Variants in TRPC4AP observed in about 807,000 individuals in gnomAD.
TRPC4AP encodes the protein short transient receptor potential channel 4-associated protein.
TRPC4AP carries 45 observed loss-of-function variants against 99.0 expected under a neutral mutation model. The ratio of observed to expected loss-of-function variants is 0.45; its 90% CI spans 0.36 to 0.58. The LOEUF is 0.58. Ranked by LOEUF, TRPC4AP falls within the 20% of genes least tolerant of loss-of-function variation. The pLI is 0.00. For synonymous variants in TRPC4AP, 408 were observed against 385.8 expected, an observed-to-expected ratio of 1.06 and a Z score of -0.67; for missense variants, 879 against 985.3, an observed-to-expected ratio of 0.89 and a Z score of 1.44.
chr20:35,044,428 A>G, intron 7 of TRPC4AP, 77 bp downstream of exon 7: 2 of 1,414,264 alleles, frequency 1.4e-6, no homozygotes, highest in South Asian at 2.6e-5. Context: ...AAAGAAAAGA[A>G]AAAGAAAAAA....
chr20:35,057,657 G>T, intron 3 of TRPC4AP, 86 bp from the exon 4 acceptor site: 1 of 1,103,210 alleles, frequency 9.1e-7, no homozygotes, highest in Non-Finnish European at 1.4e-6. Context: ...CATGGCCCAT[G>T]TATCTGTCAC....
At chr20:35,037,210 G>A (rs927768281) in intron 7 of TRPC4AP, among the ~76,000 whole-genome samples, 5 of 151,870 alleles carry the variant, frequency 3.3e-5, no homozygotes, top group Non-Finnish European at 7.4e-5. Context: ...AGCTGGGCGC[G>A]GTGGCAGGCG....
intron 7 of TRPC4AP, among the ~76,000 whole-genome samples, chr20:35,042,901 C>G (rs916415101): frequency 6.6e-6 from 1 of 152,180 alleles, no homozygotes; most frequent in Non-Finnish European, 1.5e-5. Context: ...GAGTCCCACT[C>G]CCACTGCTAC....
chr20:35,072,660 TA>T (rs2145999452), intron 2 of TRPC4AP, among the ~76,000 whole-genome samples: 1 of 152,330 alleles, frequency 6.6e-6, no homozygotes, highest in East Asian at 1.9e-4. Context: ...TTGGTAATAG[TA>T]CCATGCTGTT....
intron 5 of TRPC4AP, among the ~76,000 whole-genome samples, chr20:35,054,570 T>C (rs1188505203): frequency 1.3e-5 from 2 of 152,218 alleles, no homozygotes. Context: ...GTCAACCTAG[T>C]AGAGTCCTGC....
rs139800499 is a variant in TRPC4AP at position 35,078,166 on chromosome 20, C to T, written c.177G>A (p.Glu59=). 7.7e-3 allele frequency: 12,384 copies of T among 1,613,244 alleles called. 73 individuals are homozygous for T. The highest frequency in any genetic ancestry group is 9.5e-3 in the Non-Finnish European group (11,242 of 1,179,448). Residue 59 remains glutamate, a synonymous_variant, in exon 2 of 19, where the codon GAG becomes GAA. Transcript: ENST00000252015. ...GTTTGTCCCTCTCCGTCAAAAAAGTCTCAGTGAACTGTGAGTCAAAAAAAG... is the reference window on the plus strand; with the variant it reads ...GTTTGTCCCTCTCCGTCAAAAAAGTTTCAGTGAACTGTGAGTCAAAAAAAG... ...RGLVRAVQFT[E]TFLTERDKQS... is the part of the protein sequence containing the mutation.
Position 35,060,585 on chromosome 20 carries a change from CAAA to C in TRPC4AP, c.415-3017_415-3015del, listed in dbSNP as rs35143678. ...CTGGGTGACAGAGAGACCTTGTCTCCAAAAAAAAAAAAAAAAAAAAAAAAACAA... is the reference window on the plus strand; with the variant it reads ...CTGGGTGACAGAGAGACCTTGTCTCCAAAAAAAAAAAAAAAAAAAAAACAA... On this transcript the variant is annotated intron_variant, in intron 3 of 18. Transcript: ENST00000252015. 7.2e-3 allele frequency among the ~76,000 whole-genome samples: 505 copies of C among 70,342 alleles called. 1 individual carries two copies. The highest frequency in any genetic ancestry group is 0.02 in the African/African-American group (347 of 17,112). The allele number at this position is 70,342 out of a possible 152,430, so 46.1% of individuals were successfully genotyped here.
At position 35,086,561 on chromosome 20, in the gene TRPC4AP, GTGTGTGTGTGTGTGTATA is replaced by G. The variant is rs1209938613; in HGVS notation, c.168+6035_168+6052del. ...TGTGTGTGTGTGTGTGTGTGTGTGT[GTGTGTGTGTGTGTGTATA>G]TATATATGAATAAGACTTTATCCTA... On this transcript the variant is annotated intron_variant, in intron 1 of 18. Transcript: ENST00000252015. Among the ~76,000 whole-genome samples the G allele has an allele frequency of 3.6e-3, 345 of 96,020 alleles. 35 individuals carry two copies. Among genetic ancestry groups the G allele is most frequent in the South Asian group, 0.016 (49 of 3,004 alleles). The allele number at this position is 96,020 out of a possible 152,430, so 63.0% of individuals were successfully genotyped here. A position where few individuals can be genotyped will look rare whatever the true frequency, so the allele number is the denominator to read the frequency against.
chr20:35,090,397 G>A (rs2085023114), intron 1 of TRPC4AP, among the ~76,000 whole-genome samples: 1 of 10,682 alleles, frequency 9.4e-5, no homozygotes, highest in African/African-American at 5.1e-4. Flanking sequence ...TTTTTTTTGA[G>A]ATGAAGTCTC....
At chr20:35,008,521 G>A (rs1336424695) in intron 13 of TRPC4AP, 143 bp downstream of exon 13, 2 of 691,846 alleles carry the variant, frequency 2.9e-6, no homozygotes, top group African/African-American at 3.6e-5. Context: ...TACACAAGAT[G>A]GCAGTCAAAC....
chr20:35,090,241 A>G (rs2085015856), intron 1 of TRPC4AP, among the ~76,000 whole-genome samples: 1 of 151,562 alleles, frequency 6.6e-6, no homozygotes, highest in Non-Finnish European at 1.5e-5. Context: ...TTTTATCCTC[A>G]CTATAGCTCC....
intron 1 of TRPC4AP, among the ~76,000 whole-genome samples, chr20:35,084,469 T>C (rs965647840): frequency 8.4e-6 from 1 of 119,076 alleles, no homozygotes; most frequent in African/African-American, 2.7e-5. Context: ...TGTGTATATA[T>C]GTATATATGT....
intron 7 of TRPC4AP, among the ~76,000 whole-genome samples, chr20:35,040,079 C>G (rs1012268720): frequency 4.0e-5 from 6 of 151,390 alleles, no homozygotes; most frequent in Non-Finnish European, 8.9e-5. Context: ...GGACTGTGTC[C>G]CCACCCCCCG....
chr20:35,037,277 G>A (rs1433426439), intron 7 of TRPC4AP, among the ~76,000 whole-genome samples: 1 of 150,410 alleles, frequency 6.6e-6, no homozygotes, highest in Non-Finnish European at 1.5e-5. Context: ...AACCCAGGAG[G>A]CAGAGCTTGC....
chr20:35,024,854 A>AAAAAAAAACCAT (rs1479270980), intron 8 of TRPC4AP, among the ~76,000 whole-genome samples: 2 of 89,480 alleles, frequency 2.2e-5, no homozygotes, highest in Non-Finnish European at 4.6e-5. Flanking sequence ...AAAAAAAAAA[A>AAAAAAAAACCAT]ATTCTGTTTA....
chr20:35,080,870 GT>G (rs1569151517), intron 1 of TRPC4AP, among the ~76,000 whole-genome samples: 1 of 150,040 alleles, frequency 6.7e-6, no homozygotes, highest in Non-Finnish European at 1.5e-5. Flanking sequence ...AGGGTGACTT[GT>G]GCAATATGTG....
chr20:35,010,309 G>A (rs761354826), intron 11 of TRPC4AP, 21 bp from the exon 12 acceptor site: 17 of 1,607,996 alleles, frequency 1.1e-5, no homozygotes, highest in Middle Eastern at 1.7e-4. Flanking sequence ...ATGGGTTGGA[G>A]GAGGTAAAGG....
rs887091748 is a variant in TRPC4AP at position 35,002,953 on chromosome 20, G to A, written c.*193C>T. 2 of 683,916 alleles carry A rather than the reference G, an allele frequency of 2.9e-6. No homozygotes were observed. Among genetic ancestry groups the A allele is most frequent in the Non-Finnish European group, 2.4e-6 (1 of 418,086 alleles). The allele number at this position is 683,916 out of a possible 1,614,324, so 42.4% of individuals were successfully genotyped here. A position where few individuals can be genotyped will look rare whatever the true frequency, so the allele number is the denominator to read the frequency against. On this transcript the variant is annotated 3_prime_UTR_variant, in exon 19 of 19. Transcript: ENST00000252015. ...CCCTGTCCTCATTATGGGGACTGAG[G>A]CTCTCCATGACCTAGGGCCCTCAGA...
chr20:35,066,971 T>C (rs2084161522), intron 3 of TRPC4AP, among the ~76,000 whole-genome samples: 1 of 152,104 alleles, frequency 6.6e-6, no homozygotes, highest in African/African-American at 2.4e-5. Flanking sequence ...CATAGAAGAA[T>C]GAATTTTAAA....
Sources: allele counts gnomAD v4.1 joint callset (sites outside exome capture counted in the v4.1 genomes callset), GRCh38; gene constraint gnomAD v4.1.1; transcripts MANE v1.5; gene names NCBI Gene and HGNC (gene_info 2026-07-23, HGNC 2026-07-21).